LEPR: variants seen among roughly 807,000 people sequenced by gnomAD.
LEPR encodes OB receptor.
Under a neutral mutation model 114.7 loss-of-function variants are expected in LEPR, and 56 were observed. The ratio of observed to expected loss-of-function variants is 0.49; its 90% CI spans 0.39 to 0.61. The LOEUF (loss-of-function observed/expected upper bound fraction) is 0.61. Ranked by LOEUF, LEPR falls within the 20% of genes least tolerant of loss-of-function variation. LEPR has a pLI of 0.00. For synonymous variants in LEPR, 443 were observed against 461.4 expected (o/e 0.96, Z 0.51); for missense variants, 1,202 against 1,352.9 (o/e 0.89, Z 1.75).
intron 2 of LEPR, among the ~76,000 whole-genome samples, chr1:65,440,765 A>G (rs1646639435): frequency 6.6e-6 from 1 of 152,200 alleles, no homozygotes; most frequent in South Asian, 2.1e-4. Flanking sequence ...GTCGGCATTC[A>G]TTTAGAGATG....
In LEPR at chr1:65,601,472, AAGATTGTTCCCTCAAAAG is replaced by A. The variant is rs1656436321; in HGVS notation, c.1084_1101del (p.Pro362_Val367del). On this transcript the variant is annotated inframe_deletion, in exon 9 of 20. Coordinates refer to ENST00000349533, the MANE Select transcript of LEPR (RefSeq NM_002303.6). Reference sequence around the variant, plus strand: ...TCACTGCATCTATAAGAAGGAAAACAAGATTGTTCCCTCAAAAGAGATTGTTTGGTGGATGAATTTAGC... The same window carrying A: ...TCACTGCATCTATAAGAAGGAAAACAAGATTGTTTGGTGGATGAATTTAGC... 6 of 1,613,772 alleles carry A rather than the reference AAGATTGTTCCCTCAAAAG, an allele frequency of 3.7e-6. No individual in the cohort carries two copies. The highest frequency in any genetic ancestry group is 5.1e-6 in the Non-Finnish European group (6 of 1,179,720).
At chr1:65,523,922 A>C (rs1250821749) in intron 2 of LEPR, among the ~76,000 whole-genome samples, 1 of 152,214 alleles carries the variant, frequency 6.6e-6, no homozygotes, top group East Asian at 1.9e-4. Flanking sequence ...TGTCCTTTAC[A>C]ACAAAAAGAA....
intron 8 of LEPR, among the ~76,000 whole-genome samples, chr1:65,600,030 T>A (rs1179476855): frequency 2.0e-5 from 3 of 152,182 alleles, no homozygotes; most frequent in Non-Finnish European, 4.4e-5. Context: ...CCTTACTATA[T>A]GTATTTGATT....
chr1:65,451,105 C>G (rs1646778984), intron 2 of LEPR, among the ~76,000 whole-genome samples: 1 of 152,020 alleles, frequency 6.6e-6, no homozygotes, highest in African/African-American at 2.4e-5. Context: ...ATGTCCTTTG[C>G]CCACTTTTTG....
At position 65,569,129 on chromosome 1, in the gene LEPR, A is replaced by G. The variant is rs545011126; in HGVS notation, c.41-1344A>G. Among the ~76,000 whole-genome samples, 6 of 152,100 alleles carry G rather than the reference A, an allele frequency of 3.9e-5. No homozygotes were observed. The South Asian group carries it at 1.2e-3, about 32-fold the overall frequency. On this transcript the variant is annotated intron_variant, in intron 3 of 19. Coordinates refer to ENST00000349533, the MANE Select transcript of LEPR (RefSeq NM_002303.6). ...GCTGGAACCTCTGTATCTTTTCGTG[A>G]CTTGATGTCTCATTTCTTTTTAGCC...
rs1328207142 is a variant in LEPR at position 65,610,003 on chromosome 1, G to T, written c.1809G>T (p.Leu603Phe). 1 of 1,614,086 alleles carries T rather than the reference G, an allele frequency of 6.2e-7. No individual in the cohort carries two copies. The highest frequency in any genetic ancestry group is 8.5e-7 in the Non-Finnish European group (1 of 1,180,026). ...SKSVSLPVPD[L>F]CAVYAVQVRC... Reference sequence around the variant, plus strand: ...CTGTCAGTCTCCCAGTTCCAGACTTGTGTGCAGTCTATGCTGTTCAGGTGC... The same window carrying T: ...CTGTCAGTCTCCCAGTTCCAGACTTTTGTGCAGTCTATGCTGTTCAGGTGC... The change falls in exon 13 of 20, where the codon TTG becomes TTT. Residue 603 changes from leucine to phenylalanine, a missense_variant. Coordinates refer to ENST00000349533, the MANE Select transcript of LEPR (RefSeq NM_002303.6).
At chr1:65,470,742 C>T (rs1314963903) in intron 2 of LEPR, among the ~76,000 whole-genome samples, 4 of 152,194 alleles carry the variant, frequency 2.6e-5, no homozygotes, top group Non-Finnish European at 5.9e-5. Flanking sequence ...AAATAACAAA[C>T]TTTCTCGATA....
At chr1:65,582,569 G>A (rs1169407880) in intron 5 of LEPR, among the ~76,000 whole-genome samples, 1 of 152,166 alleles carries the variant, frequency 6.6e-6, no homozygotes. Flanking sequence ...TATTTTCACT[G>A]AGACAACAGA....
intron 2 of LEPR, among the ~76,000 whole-genome samples, chr1:65,467,114 A>G (rs1424916521): frequency 6.6e-6 from 1 of 151,896 alleles, no homozygotes; most frequent in Non-Finnish European, 1.5e-5. Context: ...GAGGCGCTCT[A>G]TTTTTTGGAA....
chr1:65,449,163 A>G (rs1359557670), intron 2 of LEPR, among the ~76,000 whole-genome samples: 4 of 152,058 alleles, frequency 2.6e-5, no homozygotes, highest in African/African-American at 9.7e-5. Context: ...CAAAGGCGTA[A>G]GCCACTGCAC....
At chr1:65,433,943 T>G (rs1374459152) in intron 2 of LEPR, 9 of 985,072 alleles carry the variant, frequency 9.1e-6, no homozygotes, top group Non-Finnish European at 1.1e-5. Flanking sequence ...AGTTTTAGGA[T>G]ACCATCTTGA....
At chr1:65,614,410 C>A (rs1427250025) in intron 14 of LEPR, among the ~76,000 whole-genome samples, 2 of 152,182 alleles carry the variant, frequency 1.3e-5, no homozygotes, top group African/African-American at 4.8e-5. Context: ...GTGTATGAAG[C>A]AACTTCACTG....
At chr1:65,525,782 A>G in intron 2 of LEPR, 3 of 986,144 alleles carry the variant, frequency 3.0e-6, no homozygotes, top group Non-Finnish European at 2.4e-6. Context: ...CGCCGCCGCC[A>G]TCTCTGCCTT....
intron 2 of LEPR, among the ~76,000 whole-genome samples, chr1:65,528,970 A>AT (rs370963043): frequency 0.027 from 3,886 of 142,600 alleles, 76 homozygotes; most frequent in East Asian, 0.042. Flanking sequence ...ACACCTGGCT[A>AT]TTTTTTTTTT....
At chr1:65,566,895 T>A (rs1452921805) in intron 3 of LEPR, among the ~76,000 whole-genome samples, 1 of 152,200 alleles carries the variant, frequency 6.6e-6, no homozygotes, top group Non-Finnish European at 1.5e-5. Flanking sequence ...TCCAAAAAAT[T>A]ATGCCACAAG....
chr1:65,441,315 T>C (rs548330119), intron 2 of LEPR, among the ~76,000 whole-genome samples: 6 of 151,874 alleles, frequency 4.0e-5, no homozygotes, highest in African/African-American at 1.5e-4. Context: ...GGGAGAGTGA[T>C]GGGGGACAAG....
chr1:65,537,045 C>A (rs148419649), intron 2 of LEPR, among the ~76,000 whole-genome samples: 174 of 152,258 alleles, frequency 1.1e-3, no homozygotes, highest in African/African-American at 4.1e-3. Context: ...CAGCTGCTAC[C>A]AGGCCATCGG....
intron 2 of LEPR, among the ~76,000 whole-genome samples, chr1:65,516,352 G>A (rs573979201): frequency 6.6e-6 from 1 of 152,156 alleles, no homozygotes; most frequent in Non-Finnish European, 1.5e-5. Context: ...GCTGAGGCAG[G>A]AGAATCACTT....
intron 2 of LEPR, among the ~76,000 whole-genome samples, chr1:65,521,176 G>T (rs547099296): frequency 1.3e-5 from 2 of 152,310 alleles, no homozygotes; most frequent in East Asian, 1.9e-4. Context: ...ATAACTCCAA[G>T]AACAGTTTTT....
Sources: gnomAD v4.1 joint callset for allele counts (sites outside exome capture counted in the v4.1 genomes callset) on GRCh38, gnomAD v4.1.1 for gene constraint, MANE v1.5 for transcripts, NCBI Gene and HGNC (gene_info 2026-07-23, HGNC 2026-07-21) for gene names.